Variants in PLCZ1 observed in about 807,000 individuals in gnomAD.
PLCZ1 encodes the protein 1-phosphatidylinositol 4,5-bisphosphate phosphodiesterase zeta-1.
Under a neutral mutation model 76.8 loss-of-function variants are expected in PLCZ1, and 64 were observed. The observed-to-expected ratio is 0.83, with a 90% CI of 0.68 to 1.03. The LOEUF is 1.03. Among genes scored for constraint, PLCZ1 ranks in the 50% least tolerant of loss-of-function variants. The pLI, the probability that PLCZ1 is intolerant of heterozygous loss-of-function variation, is 0.00. For synonymous variants in PLCZ1, 248 were observed against 230.8 expected (o/e 1.07, Z -0.68); for missense variants, 751 against 713.7 (o/e 1.05, Z -0.60).
chr12:18,722,601 T>C (rs903965972), intron 4 of PLCZ1, among the ~76,000 whole-genome samples: 4 of 152,078 alleles, frequency 2.6e-5, no homozygotes, highest in Non-Finnish European at 5.9e-5. Context: ...TGGTACCATA[T>C]ATGATTATTT....
chr12:18,653,917 A>G, the PLCZ1 span, among the ~76,000 whole-genome samples: 5 of 152,172 alleles, frequency 3.3e-5, no homozygotes, highest in Non-Finnish European at 7.4e-5. Flanking sequence ...AAAGCAATTT[A>G]AAGGACTATA....
chr12:18,712,370 A>T (rs553288344), intron 6 of PLCZ1, among the ~76,000 whole-genome samples: 1 of 152,178 alleles, frequency 6.6e-6, no homozygotes, highest in African/African-American at 2.4e-5. Flanking sequence ...TAAATTAAAC[A>T]TTTTTGAATC....
intron 13 of PLCZ1, chr12:18,685,617 A>T: frequency 1.9e-6 from 1 of 516,404 alleles, no homozygotes; most frequent in Non-Finnish European, 3.9e-6. Flanking sequence ...GAAATAGTAA[A>T]CTAATTGGCT....
chr12:18,656,071 T>G, the PLCZ1 span, among the ~76,000 whole-genome samples: 3 of 152,168 alleles, frequency 2.0e-5, no homozygotes, highest in Admixed American at 1.3e-4. Flanking sequence ...TTAATACTAG[T>G]AAAGGAGAGT....
the PLCZ1 span, among the ~76,000 whole-genome samples, chr12:18,678,035 G>T: frequency 6.6e-6 from 1 of 152,080 alleles, no homozygotes; most frequent in African/African-American, 2.4e-5. Flanking sequence ...TTAAATGAAT[G>T]ACATTGTGGA....
chr12:18,733,494 C>T (rs1959163024), intron 3 of PLCZ1, among the ~76,000 whole-genome samples: 1 of 152,002 alleles, frequency 6.6e-6, no homozygotes, highest in Admixed American at 6.6e-5. Flanking sequence ...TTTTTGTTAC[C>T]TGTCTTTGTT....
Position 18,694,979 on chromosome 12 carries a change from T to G in PLCZ1, c.1392A>C (p.Leu464Phe), listed in dbSNP as rs1954750360. Residue 464 changes from leucine (L) to phenylalanine (F), a missense_variant, in exon 12 of 15, where the codon TTA becomes TTC. Leu to Phe is a conservative substitution (Grantham distance 22). Transcript: ENST00000266505. ...GSGYILKPHF[L>F]RESKSYFNPS... ...GGTTAAAGTATGATTTACTCTCTCT[T>G]AAGAAATGTGGTTTCAAAATATATC... The G allele has an allele frequency of 6.2e-7, 1 of 1,609,426 alleles. No homozygotes were observed. The highest frequency in any genetic ancestry group is 8.5e-7 in the Non-Finnish European group (1 of 1,176,102).
At chr12:18,683,539 C>T (rs1190695902) in intron 14 of PLCZ1, 1 of 1,507,404 alleles carries the variant, frequency 6.6e-7, no homozygotes, top group Non-Finnish European at 8.9e-7. Flanking sequence ...ATACACAGCT[C>T]ATACTTCTCC....
chr12:18,715,804 T>A (rs544079947), intron 5 of PLCZ1: 30 of 152,322 alleles, frequency 2.0e-4, no homozygotes, highest in African/African-American at 5.8e-4. Flanking sequence ...ATTTGGGTAA[T>A]CTGCTTTGGT....
intron 6 of PLCZ1, among the ~76,000 whole-genome samples, chr12:18,705,848 A>C (rs1380818706): frequency 6.7e-6 from 1 of 149,572 alleles, no homozygotes; most frequent in Non-Finnish European, 1.5e-5. Flanking sequence ...CCTGGGTGAC[A>C]GAGCAAGACT....
At chr12:18,692,434 T>C (rs1435254582) in intron 12 of PLCZ1, among the ~76,000 whole-genome samples, 2 of 152,162 alleles carry the variant, frequency 1.3e-5, no homozygotes, top group African/African-American at 4.8e-5. Context: ...ACTTAGGTTA[T>C]AGAGGAAAAA....
chr12:18,723,371 C>T lies in PLCZ1; in HGVS notation c.307G>A (p.Ala103Thr). ...AQFLTQEQYA[A>T]EMSKAIAFEI... ...AAAGCAATAGCTTTACTCATCTCAG[C>T]TGCATATTGTTCTTGTGTCAGAAAT... Residue 103 changes from alanine to threonine, a missense_variant, in exon 4 of 15, where the codon GCT (alanine) becomes ACT (threonine). Physicochemically the swap from Ala to Thr is moderately conservative, Grantham distance 58. Coordinates refer to ENST00000266505, the MANE Select transcript of PLCZ1 (RefSeq NM_033123.4). 1 of 1,612,952 alleles carries T rather than the reference C, an allele frequency of 6.2e-7. No homozygotes were observed. Among genetic ancestry groups the T allele is most frequent in the Non-Finnish European group, 8.5e-7 (1 of 1,179,450 alleles).
the PLCZ1 span, among the ~76,000 whole-genome samples, chr12:18,661,152 C>A: frequency 6.6e-6 from 1 of 151,990 alleles, no homozygotes. Context: ...AGAGCCTAAC[C>A]AACCTGTAGG....
chr12:18,668,046 G>A, the PLCZ1 span, among the ~76,000 whole-genome samples: 10 of 152,084 alleles, frequency 6.6e-5, no homozygotes, highest in African/African-American at 2.4e-4. Context: ...TCAGATTTCT[G>A]ATACAGTCAA....
At chr12:18,737,265 T>TA in intron 2 of PLCZ1, 96 bp downstream of exon 2, 2 of 1,385,800 alleles carry the variant, frequency 1.4e-6, no homozygotes, top group Non-Finnish European at 2.1e-6. Flanking sequence ...GAAGAGGACT[T>TA]AAATTCAGAA....
At chr12:18,693,435 A>C (rs536178590) in intron 12 of PLCZ1, 4 of 1,605,070 alleles carry the variant, frequency 2.5e-6, no homozygotes, top group Admixed American at 1.7e-5. Flanking sequence ...AAAGCCTCCA[A>C]GGGGGTCATT....
intron 9 of PLCZ1, among the ~76,000 whole-genome samples, chr12:18,700,792 T>C (rs947274837): frequency 6.6e-6 from 1 of 152,166 alleles, no homozygotes; most frequent in East Asian, 1.9e-4. Flanking sequence ...ATTGGTTTTG[T>C]GTCACATGCA....
chr12:18,665,957 G>T, the PLCZ1 span, among the ~76,000 whole-genome samples: 1 of 151,426 alleles, frequency 6.6e-6, no homozygotes, highest in South Asian at 2.1e-4. Flanking sequence ...AAACTAGTTG[G>T]GCGTGGTGGT....
At chr12:18,707,570 C>T (rs1374322405) in intron 6 of PLCZ1, among the ~76,000 whole-genome samples, 3 of 152,146 alleles carry the variant, frequency 2.0e-5, no homozygotes, top group Non-Finnish European at 4.4e-5. Context: ...TAAGGCTCAC[C>T]TAAGAGTCAT....
Sources: gnomAD v4.1 joint callset for allele counts (sites outside exome capture counted in the v4.1 genomes callset) on GRCh38, gnomAD v4.1.1 for gene constraint, MANE v1.5 for transcripts, NCBI Gene and HGNC (gene_info 2026-07-23, HGNC 2026-07-21) for gene names.